The following LRP1B variants were observed in gnomAD, a reference collection of about 807,000 sequenced individuals.
The protein encoded by LRP1B is low-density lipoprotein receptor-related protein 1B.
LRP1B carries 217 observed loss-of-function variants against 556.6 expected under a neutral mutation model. The observed-to-expected ratio is 0.39, with a 90% confidence interval of 0.35 to 0.44. LRP1B has a LOEUF of 0.44. Among genes scored for constraint, LRP1B ranks in the 20% least tolerant of loss-of-function variants. The pLI is 1.00. For synonymous variants in LRP1B, 2,047 were observed against 1,865.8 expected (o/e 1.10, Z -2.50); for missense variants, 5,053 against 5,620.8 (o/e 0.90, Z 3.23).
chr2:141,741,263 C>CTTT lies in LRP1B; in HGVS notation c.205+69013_205+69015dup, dbSNP rs11326947. On this transcript the variant is annotated intron_variant, in intron 2 of 90. Coordinates refer to ENST00000389484, the MANE Select transcript of LRP1B (RefSeq NM_018557.3). ...GTTATCTCTTCAGTATACTGATTTC[C>CTTT]TTTTTTTTTTTTTTTTTTTTTTTTT... is the stretch of plus-strand genomic sequence containing the variant. Among the ~76,000 whole-genome samples, 111 of 57,974 alleles carry CTTT rather than the reference C, an allele frequency of 1.9e-3. 16 individuals are homozygous for CTTT. The highest frequency in any genetic ancestry group is 7.1e-3 in the African/African-American group (96 of 13,516). The allele number at this position is 57,974 out of a possible 152,430, so 38.0% of individuals were successfully genotyped here.
At chr2:140,266,141 T>G (rs1682193117) in intron 86 of LRP1B, among the ~76,000 whole-genome samples, 1 of 152,018 alleles carries the variant, frequency 6.6e-6, no homozygotes, top group Non-Finnish European at 1.5e-5. Flanking sequence ...ACTTACTGTT[T>G]TTTTTTGTTT....
intron 7 of LRP1B, among the ~76,000 whole-genome samples, chr2:141,117,969 C>G (rs1399794793): frequency 1.3e-5 from 2 of 151,860 alleles, no homozygotes; most frequent in Non-Finnish European, 2.9e-5. Context: ...CTTCCTTGCT[C>G]CAATAAGTTA....
chr2:140,684,396 A>G (rs1685973951), intron 41 of LRP1B, among the ~76,000 whole-genome samples: 1 of 152,218 alleles, frequency 6.6e-6, no homozygotes, highest in African/African-American at 2.4e-5. Context: ...ACTAATAGGT[A>G]CAACCAAGAG....
chr2:141,512,655 CA>C (rs1311372990), intron 2 of LRP1B, among the ~76,000 whole-genome samples: 6 of 152,236 alleles, frequency 3.9e-5, no homozygotes, highest in African/African-American at 1.4e-4. Flanking sequence ...TTGCTCATTA[CA>C]GCAGTTTAGC....
chr2:141,530,282 A>AG (rs1221796659), intron 2 of LRP1B, among the ~76,000 whole-genome samples: 1 of 152,070 alleles, frequency 6.6e-6, no homozygotes, highest in African/African-American at 2.4e-5. Flanking sequence ...TCTTCTCTGG[A>AG]GGATGAGAAG....
chr2:141,760,315 ATTG>A (rs926874862), intron 2 of LRP1B, among the ~76,000 whole-genome samples: 17 of 152,194 alleles, frequency 1.1e-4, no homozygotes, highest in African/African-American at 3.9e-4. Context: ...CTCATAAGTC[ATTG>A]TTAAGTAAAA....
chr2:141,000,992 A>G (rs78492794), intron 15 of LRP1B, among the ~76,000 whole-genome samples: 3,527 of 152,152 alleles, frequency 0.023, 68 homozygotes, highest in South Asian at 0.035. Context: ...GAAATAGGAA[A>G]TATAATTTGA....
At chr2:141,219,843 C>A (rs1318532562) in intron 6 of LRP1B, among the ~76,000 whole-genome samples, 1 of 152,114 alleles carries the variant, frequency 6.6e-6, no homozygotes, top group Non-Finnish European at 1.5e-5. Context: ...AGCAGCCCTA[C>A]AGAAGATGGG....
chr2:141,804,801 A>G (rs968139128), intron 2 of LRP1B, among the ~76,000 whole-genome samples: 3 of 152,060 alleles, frequency 2.0e-5, no homozygotes, highest in Non-Finnish European at 4.4e-5. Context: ...TACCATTTCC[A>G]TTGTACAGAT....
At chr2:140,272,280 C>T (rs1467157864) in intron 85 of LRP1B, among the ~76,000 whole-genome samples, 1 of 151,398 alleles carries the variant, frequency 6.6e-6, no homozygotes, top group Non-Finnish European at 1.5e-5. Context: ...CACACACACA[C>T]ACACACACAC....
At chr2:141,384,930 A>G (rs1242449169) in intron 3 of LRP1B, among the ~76,000 whole-genome samples, 2 of 152,102 alleles carry the variant, frequency 1.3e-5, no homozygotes, top group African/African-American at 4.8e-5. Context: ...CTTGTAAACC[A>G]ATAAATTGGG....
intron 1 of LRP1B, among the ~76,000 whole-genome samples, chr2:142,089,037 A>AT (rs1176721571): frequency 6.6e-6 from 1 of 151,208 alleles, no homozygotes; most frequent in Non-Finnish European, 1.5e-5. Context: ...TAAACGCATT[A>AT]TTTTTGTCAA....
intron 1 of LRP1B, among the ~76,000 whole-genome samples, chr2:141,991,818 C>T (rs774495049): frequency 2.6e-5 from 4 of 152,058 alleles, no homozygotes; most frequent in Non-Finnish European, 5.9e-5. Context: ...ACACTTGTCC[C>T]TATTACTTGG....
At chr2:141,610,456 C>T (rs1216648559) in intron 2 of LRP1B, among the ~76,000 whole-genome samples, 1 of 151,964 alleles carries the variant, frequency 6.6e-6, no homozygotes, top group Non-Finnish European at 1.5e-5. Context: ...GCTCAAATTG[C>T]TCTCTCCACC....
chr2:140,804,717 A>T (rs1407755650), intron 32 of LRP1B, among the ~76,000 whole-genome samples: 3 of 118,962 alleles, frequency 2.5e-5, no homozygotes, highest in Non-Finnish European at 4.9e-5. Flanking sequence ...GTTATCGGAG[A>T]GGTTAAACAA....
chr2:141,807,333 G>T (rs1313569797), intron 2 of LRP1B, among the ~76,000 whole-genome samples: 1 of 151,902 alleles, frequency 6.6e-6, no homozygotes, highest in East Asian at 1.9e-4. Context: ...TAGGGAACAA[G>T]CCAATTAAAT....
intron 80 of LRP1B, among the ~76,000 whole-genome samples, chr2:140,325,257 G>A (rs1680413961): frequency 6.6e-6 from 1 of 152,052 alleles, no homozygotes. Context: ...AACCGGTATA[G>A]CAACAGAGGA....
Position 141,511,150 on chromosome 2 carries a change from G to T in LRP1B, c.206-30617C>A, listed in dbSNP as rs565192905. On this transcript the variant is annotated intron_variant, in intron 2 of 90. Transcript: ENST00000389484. ...TGCCCTCAAGGGATTGGACTGGCAA[G>T]AGTATGAAAATATGTGGTGCAGTTA... 1.5e-4 allele frequency among the ~76,000 whole-genome samples: 23 copies of T among 152,224 alleles called. 1 individual carries two copies. In the South Asian group the frequency reaches 2.1e-3, roughly 14 times the overall value.
chr2:140,875,022 A>T (rs1051465834), intron 25 of LRP1B, among the ~76,000 whole-genome samples: 2 of 100,684 alleles, frequency 2.0e-5, no homozygotes, highest in Non-Finnish European at 2.0e-5. Context: ...CTGTCTCAAT[A>T]AAAAAAAAAA....
Sources: allele counts gnomAD v4.1 joint callset (sites outside exome capture counted in the v4.1 genomes callset), GRCh38; gene constraint gnomAD v4.1.1; transcripts MANE v1.5; gene names NCBI Gene and HGNC (gene_info 2026-07-23, HGNC 2026-07-21).